TENM3: variants seen among roughly 807,000 people sequenced by gnomAD.
The protein encoded by TENM3 is teneurin transmembrane protein 3.
Under a neutral mutation model 255.1 loss-of-function variants are expected in TENM3, and 63 were observed. The observed-to-expected ratio is 0.25, with a 90% confidence interval of 0.20 to 0.30. The LOEUF (loss-of-function observed/expected upper bound fraction) is 0.30. Ranked by LOEUF, TENM3 falls within the 10% of genes least tolerant of loss-of-function variation. The pLI, the probability that TENM3 is intolerant of heterozygous loss-of-function variation, is 1.00. For synonymous variants in TENM3, 1,306 were observed against 1,322.3 expected, an observed-to-expected ratio of 0.99 and a Z score of 0.27; for missense variants, 2,929 against 3,461.1, an observed-to-expected ratio of 0.85 and a Z score of 3.86.
chr4:181,814,840 A>C, the TENM3 span, among the ~76,000 whole-genome samples: 2 of 152,142 alleles, frequency 1.3e-5, no homozygotes, highest in Admixed American at 1.3e-4. Flanking sequence ...GGGAGGGAGG[A>C]GGAACTTAAT....
At chr4:182,477,558 C>T (rs928255828) in intron 3 of TENM3, among the ~76,000 whole-genome samples, 2 of 152,186 alleles carry the variant, frequency 1.3e-5, no homozygotes, top group African/African-American at 4.8e-5. Context: ...TGAATCCCTC[C>T]TCCAGTGACT....
chr4:181,856,473 A>G, the TENM3 span, among the ~76,000 whole-genome samples: 1 of 152,168 alleles, frequency 6.6e-6, no homozygotes, highest in South Asian at 2.1e-4. Flanking sequence ...ACTCTCTCCA[A>G]TATCTCATGA....
At chr4:182,240,697 G>C (rs1323906001), upstream of TENM3, among the ~76,000 whole-genome samples, 49 of 152,200 alleles carry the variant, frequency 3.2e-4, no homozygotes, top group Non-Finnish European at 1.2e-4. Flanking sequence ...GCAGGATCTA[G>C]CAGGGTGTTC....
chr4:181,584,781 G>T, the TENM3 span, among the ~76,000 whole-genome samples: 1 of 152,048 alleles, frequency 6.6e-6, no homozygotes, highest in East Asian at 1.9e-4. Flanking sequence ...TGTTTCATTA[G>T]TAACAATAGC....
intron 1 of TENM3, among the ~76,000 whole-genome samples, chr4:182,145,825 A>G (rs771796681): frequency 7.9e-5 from 12 of 152,202 alleles, no homozygotes; most frequent in Non-Finnish European, 1.6e-4. Context: ...TTATCTTCTG[A>G]CAATGTATTT....
At chr4:182,054,188 T>G in the TENM3 span, among the ~76,000 whole-genome samples, 1 of 152,154 alleles carries the variant, frequency 6.6e-6, no homozygotes, top group Non-Finnish European at 1.5e-5. Context: ...GATGCACACA[T>G]TTCCTCTGCC....
intron 4 of TENM3, among the ~76,000 whole-genome samples, chr4:182,610,070 C>G (rs575583683): frequency 6.6e-6 from 1 of 152,248 alleles, no homozygotes; most frequent in South Asian, 2.1e-4. Flanking sequence ...AGAATAATCA[C>G]TAAATCCTCA....
At chr4:181,473,374 G>T in the TENM3 span, among the ~76,000 whole-genome samples, 1 of 152,038 alleles carries the variant, frequency 6.6e-6, no homozygotes, top group South Asian at 2.1e-4. Context: ...GATCTCTTGA[G>T]CCCAGGAGTT....
At chr4:182,679,644 T>C (rs1471215271) in intron 7 of TENM3, 22 bp from the exon 8 acceptor site, 1 of 1,591,282 alleles carries the variant, frequency 6.3e-7, no homozygotes, top group South Asian at 1.1e-5. Context: ...TTTCTGACTA[T>C]TTTTCCTCGT....
chr4:182,264,173 C>A (rs188750853), intron 1 of TENM3, among the ~76,000 whole-genome samples: 410 of 152,332 alleles, frequency 2.7e-3, no homozygotes, highest in African/African-American at 9.2e-3. Context: ...AAAAAGAATT[C>A]TAAGGCTAGT....
the TENM3 span, among the ~76,000 whole-genome samples, chr4:182,029,304 C>T: frequency 2.0e-5 from 3 of 152,118 alleles, no homozygotes; most frequent in African/African-American, 7.2e-5. Context: ...CAGGCCCCCA[C>T]CTCCAACACT....
intron 3 of TENM3, among the ~76,000 whole-genome samples, chr4:182,590,037 C>G (rs917902713): frequency 6.6e-6 from 1 of 152,114 alleles, no homozygotes; most frequent in Admixed American, 6.5e-5. Flanking sequence ...CAGGCAGAAG[C>G]ATTGCTGACC....
At chr4:181,885,134 A>C in the TENM3 span, among the ~76,000 whole-genome samples, 1 of 152,146 alleles carries the variant, frequency 6.6e-6, no homozygotes, top group Non-Finnish European at 1.5e-5. Context: ...AGTTGTATCT[A>C]TTTTCCCCTT....
the TENM3 span, among the ~76,000 whole-genome samples, chr4:181,545,322 A>G: frequency 6.6e-6 from 1 of 152,152 alleles, no homozygotes; most frequent in Non-Finnish European, 1.5e-5. Flanking sequence ...GAAGTGTCCC[A>G]TTTGAAACAC....
chr4:181,504,891 C>T, the TENM3 span, among the ~76,000 whole-genome samples: 1 of 152,150 alleles, frequency 6.6e-6, no homozygotes, highest in African/African-American at 2.4e-5. Context: ...CTAATAACAT[C>T]ATAAATTTGT....
chr4:182,784,956 G>T (rs1392852621), intron 24 of TENM3, among the ~76,000 whole-genome samples: 1 of 152,142 alleles, frequency 6.6e-6, no homozygotes, highest in Non-Finnish European at 1.5e-5. Context: ...CCACTGTCTG[G>T]CACTCCCTAG....
the TENM3 span, among the ~76,000 whole-genome samples, chr4:181,894,267 T>C: frequency 1.3e-5 from 2 of 152,154 alleles, no homozygotes; most frequent in African/African-American, 4.8e-5. Context: ...AATGATGTCA[T>C]GAGTAATGGC....
chr4:181,853,328 G>T, the TENM3 span, among the ~76,000 whole-genome samples: 1 of 152,092 alleles, frequency 6.6e-6, no homozygotes, highest in Admixed American at 6.5e-5. Context: ...TTGCTTTATT[G>T]TAACTTTAGT....
chr4:182,644,731 G>A lies in TENM3; in HGVS notation c.989-9040G>A, dbSNP rs149104281. On this transcript the variant is annotated intron_variant, in intron 5 of 27. Transcript: ENST00000511685. ...GGAAAAATCTACAGAAACATACTAA[G>A]AGTTTGCAGAATAATTTTTTAATTA... Among the ~76,000 whole-genome samples, 45 of 152,186 alleles carry A rather than the reference G, an allele frequency of 3.0e-4. 2 individuals are homozygous for A. The East Asian group carries it at 8.5e-3, about 29-fold the overall frequency.
Sources: allele counts gnomAD v4.1 joint callset (sites outside exome capture counted in the v4.1 genomes callset), GRCh38; gene constraint gnomAD v4.1.1; transcripts MANE v1.5; gene names NCBI Gene and HGNC (gene_info 2026-07-23, HGNC 2026-07-21).